The following MYH14 variants were observed in gnomAD, a reference collection of about 807,000 sequenced individuals.
The protein encoded by MYH14 is myosin heavy chain 14, also known as myosin-14.
A neutral mutation model predicts 255.5 loss-of-function variants in MYH14; 123 were observed. That is an observed-to-expected ratio of 0.48 (90% CI 0.42 to 0.56). The LOEUF (loss-of-function observed/expected upper bound fraction) is 0.56. MYH14 is among the 20% of genes least tolerant of loss of function. The pLI is 0.00. For missense variants in MYH14, 2,423 were observed against 2,802.3 expected, an observed-to-expected ratio of 0.86 and a Z score of 3.06; for synonymous variants, 1,095 against 1,161.2, an observed-to-expected ratio of 0.94 and a Z score of 1.16.
intron 20 of MYH14, 33 bp downstream of exon 20, chr19:50,260,748 C>CCT: frequency 2.3e-6 from 3 of 1,318,728 alleles, no homozygotes; most frequent in Non-Finnish European, 3.2e-6. Context: ...TGCGTGTGTG[C>CCT]GTGTGTGTGT....
rs569820415 is a variant in MYH14, at chr19:50,288,592, C to T, written c.4753-844C>T. 6.5e-4 allele frequency among the ~76,000 whole-genome samples: 99 copies of T among 152,294 alleles called. 1 individual carries two copies. Among genetic ancestry groups the T allele is most frequent in the African/African-American group, 1.9e-3 (78 of 41,562 alleles). On this transcript the variant is annotated intron_variant, in intron 34 of 42. Coordinates refer to ENST00000642316, the MANE Select transcript of MYH14 (RefSeq NM_001145809.2). ...AAGGGAGGCTAGAGGGCCCATTCCA[C>T]GGACCGAAAGTAGATACTGTCAGTG...
chr19:50,300,417 T>C lies in MYH14; in HGVS notation c.5470-1244T>C, dbSNP rs1222128199. Among the ~76,000 whole-genome samples, 5 of 152,294 alleles carry C rather than the reference T, an allele frequency of 3.3e-5. No individual in the cohort carries two copies. The East Asian group carries it at 9.6e-4, about 29-fold the overall frequency. On this transcript the variant is annotated intron_variant, in intron 39 of 42. Transcript: ENST00000642316. Reference sequence around the variant, plus strand: ...TTATTACTGATTTTTTTTATTTGATTAATGTTTGGCTCTCTGTATCACCAT... The same window carrying C: ...TTATTACTGATTTTTTTTATTTGATCAATGTTTGGCTCTCTGTATCACCAT...
In MYH14 at chr19:50,306,527, A is replaced by C. The variant is rs770720608; in HGVS notation, c.5679-522A>C. On this transcript the variant is annotated intron_variant, in intron 40 of 42. Coordinates refer to ENST00000642316, the MANE Select transcript of MYH14 (RefSeq NM_001145809.2). Reference sequence around the variant, plus strand: ...CGCTCTGAAGATTCAAGTCTGCTGAAATAAACTGACAATAAATAGATTAAC... The same window carrying C: ...CGCTCTGAAGATTCAAGTCTGCTGACATAAACTGACAATAAATAGATTAAC... Among the ~76,000 whole-genome samples, 38 of 152,198 alleles carry C rather than the reference A, an allele frequency of 2.5e-4. 1 individual carries two copies. The highest frequency in any genetic ancestry group is 1.3e-3 in the Admixed American group (20 of 15,276).
In MYH14 at chr19:50,226,905, C is replaced by A. The variant is rs1379750850; in HGVS notation, c.813C>A (p.Gly271=). 1.2e-6 allele frequency: 2 copies of A among 1,613,782 alleles called. No individual in the cohort carries two copies. Among genetic ancestry groups the A allele is most frequent in the Non-Finnish European group, 8.5e-7 (1 of 1,179,772 alleles). The change falls in exon 8 of 43, where the codon GGC becomes GGA. Residue 271 remains glycine (G), a splice_region_variant and synonymous_variant. Transcript: ENST00000642316. Reference sequence around the variant, plus strand: ...CCACCCACTTTGGTCTCTCCCAGGGCAAATTCATCCGCATCAACTTTGATG... The same window carrying A: ...CCACCCACTTTGGTCTCTCCCAGGGAAAATTCATCCGCATCAACTTTGATG... The part of the protein sequence containing the change: ...TVKNDNSSRF[G]KFIRINFDVA...
intron 24 of MYH14, among the ~76,000 whole-genome samples, chr19:50,269,445 G>C (rs1036448187): frequency 1.3e-5 from 2 of 152,114 alleles, no homozygotes; most frequent in African/African-American, 4.8e-5. Flanking sequence ...GCCTTCCAAG[G>C]TGCTGGGATT....
At chr19:50,271,020 C>T (rs970676713) in intron 24 of MYH14, among the ~76,000 whole-genome samples, 9 of 152,126 alleles carry the variant, frequency 5.9e-5, no homozygotes, top group African/African-American at 2.2e-4. Flanking sequence ...AGTTTATAAT[C>T]TGTACCCCTA....
At chr19:50,262,822 C>T (rs572004681) in intron 21 of MYH14, among the ~76,000 whole-genome samples, 8 of 152,122 alleles carry the variant, frequency 5.3e-5, no homozygotes, top group Admixed American at 2.0e-4. Flanking sequence ...AGCAGGGGGA[C>T]GAACGGCCAG....
intron 39 of MYH14, among the ~76,000 whole-genome samples, chr19:50,299,138 T>G (rs1165780833): frequency 6.6e-6 from 1 of 152,102 alleles, no homozygotes; most frequent in Non-Finnish European, 1.5e-5. Context: ...ATAAAGTCCC[T>G]GGACACAGCT....
intron 1 of MYH14, among the ~76,000 whole-genome samples, chr19:50,209,074 C>A (rs1287583807): frequency 6.6e-6 from 1 of 152,104 alleles, no homozygotes; most frequent in Non-Finnish European, 1.5e-5. Context: ...ACATGAATCA[C>A]CTGAGGCTGG....
chr19:50,234,154 C>T (rs997035196), intron 10 of MYH14, among the ~76,000 whole-genome samples: 11 of 152,018 alleles, frequency 7.2e-5, no homozygotes, highest in East Asian at 1.9e-4. Context: ...TATCTTAACT[C>T]GTTACATCCG....
intron 6 of MYH14, chr19:50,224,947 AT>A: frequency 2.4e-6 from 1 of 415,116 alleles, no homozygotes; most frequent in Non-Finnish European, 4.9e-6. Context: ...TCTACTAAAA[AT>A]TTTAAAAAGT....
rs755777302 is a variant in MYH14, at chr19:50,274,380, C to T, written c.3468-1611C>T. 2.3e-4 allele frequency among the ~76,000 whole-genome samples: 35 copies of T among 152,248 alleles called. 1 individual carries two copies. The highest frequency in any genetic ancestry group is 6.8e-3 in the Middle Eastern group (2 of 294). On this transcript the variant is annotated intron_variant, in intron 27 of 42. Transcript: ENST00000642316. ...CATGATCTTGCCTCACTACATCCTC[C>T]GCCTCTTGGGTTCAAGCAATTCTCC...
In MYH14 at chr19:50,280,245, G is replaced by A. The variant is rs727504965; in HGVS notation, c.4152G>A (p.Glu1384=). The A allele has an allele frequency of 4.5e-6, 7 of 1,551,824 alleles. No individual in the cohort carries two copies. In the Middle Eastern group the frequency reaches 5.0e-4, roughly 111 times the overall value. Residue 1384 remains glutamate (E), a synonymous_variant, in exon 32 of 43, where the codon GAG becomes GAA. Coordinates refer to ENST00000642316, the MANE Select transcript of MYH14 (RefSeq NM_001145809.2). The surrounding 1 kb of genome is among the most constrained non-coding windows in gnomAD (Gnocchi z 4.8). The part of the protein sequence containing the change: ...QLHDAQELLQ[E]ETRAKLALGS... ...TCCATCTACAGGAGCTGCTGCAGGA[G>A]GAGACCAGGGCGAAATTGGCCTTGG...
In MYH14 at chr19:50,266,962, A is replaced by G; in HGVS notation, c.2780A>G (p.Gln927Arg). The stretch of plus-strand genomic sequence containing the variant: ...CTGCAGAAAGTGCAGGAGCTACAGC[A>G]GCAGAGCGCCCGCGAAGTTGGGGAG... ...QELQKVQELQ[Q>R]QSAREVGELQ... Residue 927 changes from glutamine (Q) to arginine (R), a missense_variant, in exon 23 of 43, where the codon CAG (glutamine) becomes CGG (arginine). Around this residue, in one of 3 missense-constraint regions of MYH14, gnomAD observed 1,513 missense variants for 1,674.8 expected, o/e 0.90. Coordinates refer to ENST00000642316, the MANE Select transcript of MYH14 (RefSeq NM_001145809.2). The surrounding 1 kb of genome is among the most constrained non-coding windows in gnomAD (Gnocchi z 4.1). The G allele has an allele frequency of 1.3e-6, 2 of 1,566,304 alleles. No homozygotes were observed. The highest frequency in any genetic ancestry group is 1.7e-6 in the Non-Finnish European group (2 of 1,155,596).
intron 33 of MYH14, among the ~76,000 whole-genome samples, chr19:50,282,721 TA>T (rs1197028145): frequency 2.0e-5 from 3 of 152,114 alleles, no homozygotes; most frequent in Non-Finnish European, 4.4e-5. Context: ...AATAAAAAAT[TA>T]AAAAAAATTT....
chr19:50,242,837 C>G (rs113706476), intron 10 of MYH14, among the ~76,000 whole-genome samples: 2,283 of 152,230 alleles, frequency 0.015, 78 homozygotes, highest in African/African-American at 0.052. Flanking sequence ...GGGTGGTGTT[C>G]TGCCTTCTGG....
At chr19:50,219,301 C>T (rs1284206716) in intron 3 of MYH14, among the ~76,000 whole-genome samples, 1 of 151,628 alleles carries the variant, frequency 6.6e-6, no homozygotes, top group Non-Finnish European at 1.5e-5. Flanking sequence ...GTGGATACCC[C>T]AGAGTAGGGT....
intron 24 of MYH14, among the ~76,000 whole-genome samples, chr19:50,269,270 G>A (rs764016429): frequency 5.3e-5 from 8 of 152,068 alleles, no homozygotes; most frequent in South Asian, 2.1e-4. Flanking sequence ...TCCGTCTCCC[G>A]GGCTCAAGCA....
intron 3 of MYH14, 150 bp from the exon 4 acceptor site, chr19:50,222,933 A>C: frequency 6.2e-6 from 5 of 803,668 alleles, no homozygotes; most frequent in Non-Finnish European, 8.7e-6. Flanking sequence ...TGGGTGGGGA[A>C]TTAGAATCCA....
Sources: allele counts gnomAD v4.1 joint callset (sites outside exome capture counted in the v4.1 genomes callset), GRCh38; gene constraint gnomAD v4.1.1; regional missense constraint gnomAD v4.1.1; non-coding constraint Gnocchi (gnomAD v3.1); transcripts MANE v1.5; gene names NCBI Gene and HGNC (gene_info 2026-07-23, HGNC 2026-07-21).